The following SLCO1C1 variants were observed in gnomAD, a reference collection of about 807,000 sequenced individuals.
The protein encoded by SLCO1C1 is solute carrier organic anion transporter family member 1C1.
In SLCO1C1, 70 loss-of-function variants were observed where a neutral mutation model predicts 76.4. The ratio of observed to expected loss-of-function variants is 0.92; its 90% CI spans 0.76 to 1.12. The LOEUF is 1.12. SLCO1C1 is among the 50% of genes most tolerant of loss of function. The pLI is 0.00. For missense variants in SLCO1C1, 912 were observed against 823.8 expected, an observed-to-expected ratio of 1.11 and a Z score of -1.31; for synonymous variants, 306 against 286.1, an observed-to-expected ratio of 1.07 and a Z score of -0.70.
intron 5 of SLCO1C1, 53 bp from the exon 6 acceptor site, chr12:20,715,086 C>T: frequency 1.2e-6 from 2 of 1,602,786 alleles, no homozygotes; most frequent in Non-Finnish European, 1.7e-6. Context: ...AGAATAAATA[C>T]TTAACTTTTA....
Position 20,702,048 on chromosome 12 carries a change from T to A in SLCO1C1, c.271+589T>A, listed in dbSNP as rs78058351. ...CTCCTTAGAAATTAAAAAGATCGAG[T>A]AATTTGAGTCACTGTTTTAGAAGTA... On this transcript the variant is annotated intron_variant, in intron 3 of 14. Coordinates refer to ENST00000266509, the MANE Select transcript of SLCO1C1 (RefSeq NM_017435.5). Among the ~76,000 whole-genome samples the A allele has an allele frequency of 1.5e-3, 225 of 152,006 alleles. 1 individual carries two copies. The highest frequency in any genetic ancestry group is 2.3e-3 in the Non-Finnish European group (159 of 67,908).
At chr12:20,738,261 T>G (rs1948639323) in intron 11 of SLCO1C1, among the ~76,000 whole-genome samples, 1 of 152,118 alleles carries the variant, frequency 6.6e-6, no homozygotes, top group African/African-American at 2.4e-5. Flanking sequence ...CTTCAATCAT[T>G]AACAGATTCA....
chr12:20,737,336 T>C (rs558316828), intron 11 of SLCO1C1, 64 bp downstream of exon 11: 18 of 1,484,416 alleles, frequency 1.2e-5, no homozygotes, highest in Non-Finnish European at 1.6e-5. Flanking sequence ...CAAAACTCTA[T>C]GGGGGCTCAC....
intron 10 of SLCO1C1, among the ~76,000 whole-genome samples, chr12:20,735,386 G>A (rs1356644013): frequency 1.3e-5 from 2 of 152,110 alleles, no homozygotes; most frequent in African/African-American, 2.4e-5. Context: ...ACCCACCCAC[G>A]TAGGGGCTGA....
chr12:20,711,576 AT>A, intron 5 of SLCO1C1, 66 bp downstream of exon 5: 1 of 1,544,068 alleles, frequency 6.5e-7, no homozygotes, highest in Non-Finnish European at 8.8e-7. Context: ...GTGCTTTAGG[AT>A]GGACAAAAGT....
chr12:20,707,942 T>A (rs950221596), intron 4 of SLCO1C1, among the ~76,000 whole-genome samples: 3 of 152,200 alleles, frequency 2.0e-5, no homozygotes, highest in Non-Finnish European at 2.9e-5. Context: ...AGGATATATT[T>A]GTTTATTTAT....
At chr12:20,738,254 C>T (rs1473075225) in intron 11 of SLCO1C1, among the ~76,000 whole-genome samples, 1 of 152,126 alleles carries the variant, frequency 6.6e-6, no homozygotes, top group Non-Finnish European at 1.5e-5. Context: ...TAAAGTACTT[C>T]AATCATTAAC....
Position 20,717,648 on chromosome 12 carries a change from C to CTTTTTT in SLCO1C1, c.775+457_775+462dup, listed in dbSNP as rs534946900. ...GTCTACTGGCAACCAAACAGCCCTT[C>CTTTTTT]TTTTTTTTTTTTTTTTTTTTTTTTT... On this transcript the variant is annotated intron_variant, in intron 7 of 14. Transcript: ENST00000266509. Among the ~76,000 whole-genome samples, 166 of 42,280 alleles carry CTTTTTT rather than the reference C, an allele frequency of 3.9e-3. 4 individuals are homozygous for CTTTTTT. The highest frequency in any genetic ancestry group is 7.4e-3 in the South Asian group (6 of 808). 27.7% of individuals were successfully genotyped at this position (42,280 alleles called of 152,430 possible).
At chr12:20,696,638 T>C (rs768716667) in intron 1 of SLCO1C1, 2 of 152,266 alleles carry the variant, frequency 1.3e-5, no homozygotes, top group Non-Finnish European at 2.9e-5. Context: ...GGATGAAAAC[T>C]GTCGTATGTC....
intron 11 of SLCO1C1, among the ~76,000 whole-genome samples, chr12:20,738,444 G>C (rs915783908): frequency 1.3e-5 from 2 of 151,968 alleles, no homozygotes; most frequent in Non-Finnish European, 2.9e-5. Flanking sequence ...TTATCAACTG[G>C]ATATGAATAC....
At chr12:20,746,595 TA>T (rs1485646916) in intron 13 of SLCO1C1, among the ~76,000 whole-genome samples, 5 of 152,184 alleles carry the variant, frequency 3.3e-5, no homozygotes, top group African/African-American at 1.2e-4. Context: ...ACACGCATCT[TA>T]GCATTACTAA....
At chr12:20,711,364 A>C in intron 4 of SLCO1C1, 22 bp from the exon 5 acceptor site, 1 of 1,607,762 alleles carries the variant, frequency 6.2e-7, no homozygotes, top group Non-Finnish European at 8.5e-7. Flanking sequence ...TCTATCATGA[A>C]GAAAACATTC....
chr12:20,707,331 T>G (rs187661047), intron 4 of SLCO1C1, among the ~76,000 whole-genome samples: 2 of 152,198 alleles, frequency 1.3e-5, no homozygotes, highest in East Asian at 3.9e-4. Flanking sequence ...ACTCCCTGCT[T>G]GATCTTTAGT....
intron 10 of SLCO1C1, among the ~76,000 whole-genome samples, 154 bp downstream of exon 10, chr12:20,733,258 C>T (rs79844033): frequency 0.029 from 4,410 of 152,216 alleles, 229 homozygotes; most frequent in African/African-American, 0.1. Context: ...TACCTAGAAT[C>T]TGTTATTGTC....
At chr12:20,745,210 T>TTA (rs1324828488) in intron 13 of SLCO1C1, among the ~76,000 whole-genome samples, 5 of 152,168 alleles carry the variant, frequency 3.3e-5, no homozygotes, top group African/African-American at 1.2e-4. Flanking sequence ...ATGTAGCTTT[T>TTA]TATATGATTG....
At chr12:20,704,224 G>A (rs894920896) in intron 3 of SLCO1C1, among the ~76,000 whole-genome samples, 1 of 151,204 alleles carries the variant, frequency 6.6e-6, no homozygotes, top group Non-Finnish European at 1.5e-5. Context: ...GATAGATACA[G>A]TATATATATG....
chr12:20,717,429 T>C (rs1230456636), intron 7 of SLCO1C1, among the ~76,000 whole-genome samples, 199 bp downstream of exon 7: 1 of 151,920 alleles, frequency 6.6e-6, no homozygotes, highest in Non-Finnish European at 1.5e-5. Flanking sequence ...TAGAACTGGA[T>C]GACCAATGGT....
In SLCO1C1 at chr12:20,753,112, G is replaced by T. The variant is rs1310080254; in HGVS notation, c.*584G>T. Reference sequence around the variant, plus strand: ...TAGCAGCAAATTATATTGGGGATTAGAATTTTGAATTAATAGCTCTCCTAC... The same window carrying T: ...TAGCAGCAAATTATATTGGGGATTATAATTTTGAATTAATAGCTCTCCTAC... On this transcript the variant is annotated 3_prime_UTR_variant, in exon 15 of 15. Coordinates refer to ENST00000266509, the MANE Select transcript of SLCO1C1 (RefSeq NM_017435.5). 2 of 152,154 alleles carry T rather than the reference G, an allele frequency of 1.3e-5. No individual in the cohort carries two copies. Among genetic ancestry groups the T allele is most frequent in the African/African-American group, 2.4e-5 (1 of 41,446 alleles). The allele number at this position is 152,154 out of a possible 1,614,324, so 9.4% of individuals were successfully genotyped here.
intron 7 of SLCO1C1, among the ~76,000 whole-genome samples, chr12:20,719,304 C>T (rs767583358): frequency 4.6e-5 from 7 of 152,112 alleles, no homozygotes; most frequent in Middle Eastern, 3.4e-3. Context: ...TTGGACTTCC[C>T]GATTCCCTGA....
Sources: allele counts gnomAD v4.1 joint callset (sites outside exome capture counted in the v4.1 genomes callset), GRCh38; gene constraint gnomAD v4.1.1; transcripts MANE v1.5; gene names NCBI Gene and HGNC (gene_info 2026-07-23, HGNC 2026-07-21).